GLB1: variants seen among roughly 807,000 people sequenced by gnomAD.
The protein encoded by GLB1 is beta-galactosidase.
A neutral mutation model predicts 74.0 loss-of-function variants in GLB1; 56 were observed. The ratio of observed to expected loss-of-function variants is 0.76; its 90% CI spans 0.61 to 0.94. GLB1 has a LOEUF of 0.94. GLB1 is among the 40% of genes least tolerant of loss of function. The probability of loss-of-function intolerance (pLI) is 0.00; values close to 1 mark genes in which losing one functional copy is unlikely to be tolerated. For missense variants in GLB1, 787 were observed against 845.5 expected, an observed-to-expected ratio of 0.93 and a Z score of 0.86; for synonymous variants, 323 against 323.6, an observed-to-expected ratio of 1.00 and a Z score of 0.02.
chr3:33,028,693 T>G (rs1327524851), intron 10 of GLB1, among the ~76,000 whole-genome samples: 1 of 151,490 alleles, frequency 6.6e-6, no homozygotes, highest in African/African-American at 2.4e-5. Flanking sequence ...GATACGGAGT[T>G]TCGCTCTTGT....
intron 9 of GLB1, among the ~76,000 whole-genome samples, chr3:33,049,008 T>G (rs1344667710): frequency 7.7e-6 from 1 of 129,870 alleles, no homozygotes; most frequent in Non-Finnish European, 1.6e-5. Flanking sequence ...AAGGACAACA[T>G]TTATGTTCTG....
chr3:33,076,947 G>A (rs1700130923), intron 1 of GLB1: 1 of 720,384 alleles, frequency 1.4e-6, no homozygotes, highest in Non-Finnish European at 1.9e-6. Context: ...GAAGGGCCCG[G>A]ACACAATGGC....
downstream of GLB1, among the ~76,000 whole-genome samples, chr3:32,995,862 A>T (rs1478542854): frequency 6.9e-6 from 1 of 144,840 alleles, no homozygotes; most frequent in Non-Finnish European, 1.5e-5. Flanking sequence ...AAAAAAAAAA[A>T]AATTACATAT....
chr3:33,050,447 C>T (rs1000194089), intron 9 of GLB1, among the ~76,000 whole-genome samples: 2 of 152,244 alleles, frequency 1.3e-5, no homozygotes, highest in African/African-American at 4.8e-5. Flanking sequence ...CAAGGGAATA[C>T]TATTCAGCAA....
intron 10 of GLB1, among the ~76,000 whole-genome samples, chr3:33,037,112 C>T (rs980833565): frequency 1.3e-5 from 2 of 149,718 alleles, no homozygotes; most frequent in Admixed American, 6.7e-5. Flanking sequence ...GTGGTGTGAT[C>T]TCAGGTCACT....
At chr3:33,044,908 C>T (rs1459360276) in intron 10 of GLB1, among the ~76,000 whole-genome samples, 3 of 152,126 alleles carry the variant, frequency 2.0e-5, no homozygotes, top group Non-Finnish European at 4.4e-5. Context: ...AAGGGTACAA[C>T]GCTAGCAGGA....
the GLB1 span, among the ~76,000 whole-genome samples, chr3:32,978,043 G>A: frequency 1.3e-5 from 2 of 152,192 alleles, no homozygotes; most frequent in East Asian, 1.9e-4. Flanking sequence ...TAGTGATCAC[G>A]GGACTATACA....
chr3:33,030,001 C>T (rs547946147), intron 10 of GLB1: 2 of 145,288 alleles, frequency 1.4e-5, no homozygotes, highest in South Asian at 4.5e-4. Flanking sequence ...ATTTCTACAA[C>T]ATAAGTGATA....
Position 33,016,813 on chromosome 3 carries a change from T to G in GLB1, c.1375A>C (p.Asn459His). ...CCTGTTATGTTCAGAGTGATCACAT[T>G]GTTTCGCTCAAGGACTCCCTGGGGG... is the stretch of plus-strand genomic sequence containing the variant. Reference protein sequence around the residue: ...GIPQGVLERNNVITLNITGKA... With the variant: ...GIPQGVLERNHVITLNITGKA... Residue 459 changes from asparagine (N) to histidine (H), a missense_variant, in exon 14 of 16, where the codon AAT (asparagine) becomes CAT (histidine). Coordinates refer to ENST00000307363, the MANE Select transcript of GLB1 (RefSeq NM_000404.4). The G allele has an allele frequency of 6.2e-7, 1 of 1,614,152 alleles. No individual in the cohort carries two copies. The highest frequency in any genetic ancestry group is 8.5e-7 in the Non-Finnish European group (1 of 1,179,994).
At position 33,055,032 on chromosome 3, in the gene GLB1, C is replaced by A. The variant is rs192083303; in HGVS notation, c.734-1483G>T. 1.6e-3 allele frequency among the ~76,000 whole-genome samples: 247 copies of A among 152,370 alleles called. 3 individuals carry two copies. The highest frequency in any genetic ancestry group is 2.3e-3 in the Non-Finnish European group (157 of 68,036). ...AGGCCAGCTTTCAGGACAGAATATG[C>A]TGATTGAGAAAGAGCAGAATCTCAT... On this transcript the variant is annotated intron_variant, in intron 6 of 15. Coordinates refer to ENST00000307363, the MANE Select transcript of GLB1 (RefSeq NM_000404.4).
rs140205640 is a variant in GLB1, at chr3:33,003,313, T to C, written c.1735-5969A>G. Among the ~76,000 whole-genome samples the C allele has an allele frequency of 6.3e-3, 957 of 152,316 alleles. 11 individuals are homozygous for C. The highest frequency in any genetic ancestry group is 0.021 in the African/African-American group (864 of 41,556). ...GACCTTTTTAATACAATAGCTTACC[T>C]AACAACAGTCGTCAAACCACCTCAC... On this transcript the variant is annotated intron_variant, in intron 15 of 15. Transcript: ENST00000307363.
At chr3:33,084,059 T>C (rs1487424655) in intron 1 of GLB1, among the ~76,000 whole-genome samples, 1 of 152,188 alleles carries the variant, frequency 6.6e-6, no homozygotes, top group Non-Finnish European at 1.5e-5. Flanking sequence ...ATAACTCTGG[T>C]AAGCACCTAC....
At chr3:32,994,920 C>CAAAAAA (rs56169200), downstream of GLB1, among the ~76,000 whole-genome samples, 1 of 115,676 alleles carries the variant, frequency 8.6e-6, no homozygotes. Context: ...GACTCTGTTT[C>CAAAAAA]AAAAAAAAAA....
chr3:33,011,478 T>A (rs962224155), intron 15 of GLB1, among the ~76,000 whole-genome samples: 83 of 147,936 alleles, frequency 5.6e-4, no homozygotes, highest in Admixed American at 5.1e-3. Context: ...AAAAATAAAA[T>A]AAAAATAATA....
At chr3:33,003,643 C>T (rs1205132052) in intron 15 of GLB1, among the ~76,000 whole-genome samples, 2 of 152,178 alleles carry the variant, frequency 1.3e-5, no homozygotes, top group East Asian at 1.9e-4. Flanking sequence ...TTAACAAGCA[C>T]ATCAAATTTA....
At chr3:33,003,477 A>G (rs1352495714) in intron 15 of GLB1, among the ~76,000 whole-genome samples, 1 of 152,248 alleles carries the variant, frequency 6.6e-6, no homozygotes, top group African/African-American at 2.4e-5. Flanking sequence ...AGTTCTAACA[A>G]GTTTTGTTGC....
chr3:33,090,797 G>A lies in GLB1; in HGVS notation c.75+6214C>T, dbSNP rs544353456. On this transcript the variant is annotated intron_variant, in intron 1 of 15. Coordinates refer to ENST00000307363, the MANE Select transcript of GLB1 (RefSeq NM_000404.4). ...GTTGATGTTGTTTCTCAGATACATA[G>A]GATGGACCTGTTTTCTTTCTGCTAA... 82 of 985,360 alleles carry A rather than the reference G, an allele frequency of 8.3e-5. 1 individual carries two copies. In the South Asian group the frequency reaches 3.3e-3, roughly 40 times the overall value. 61.0% of individuals were successfully genotyped at this position (985,360 alleles called of 1,614,324 possible).
At chr3:33,026,563 C>T (rs10154834) in intron 10 of GLB1, among the ~76,000 whole-genome samples, 62,311 of 151,994 alleles carry the variant, frequency 0.41, 14,467 homozygotes, top group Non-Finnish European at 0.52. Context: ...GCCTGGGGTT[C>T]GGGCCACTAG....
chr3:33,090,411 A>G (rs989565312), intron 1 of GLB1: 2 of 985,332 alleles, frequency 2.0e-6, no homozygotes, highest in African/African-American at 3.5e-5. Flanking sequence ...GAAGAAAAGC[A>G]TGGATGGGTA....
Sources: allele counts gnomAD v4.1 joint callset (sites outside exome capture counted in the v4.1 genomes callset), GRCh38; gene constraint gnomAD v4.1.1; transcripts MANE v1.5; gene names NCBI Gene and HGNC (gene_info 2026-07-23, HGNC 2026-07-21).